REPS1: variants seen among roughly 807,000 people sequenced by gnomAD.
REPS1 encodes RALBP1 associated Eps domain containing 1.
REPS1 carries 39 observed loss-of-function variants against 100.9 expected under a neutral mutation model. The ratio of observed to expected loss-of-function variants is 0.39; its 90% CI spans 0.30 to 0.50. The LOEUF (loss-of-function observed/expected upper bound fraction) is 0.50. REPS1 is among the 20% of genes least tolerant of loss of function. The pLI, the probability that REPS1 is intolerant of heterozygous loss-of-function variation, is 0.86. For missense variants in REPS1, 821 were observed against 968.5 expected (o/e 0.85, Z 2.02); for synonymous variants, 324 against 340.3 (o/e 0.95, Z 0.53).
At chr6:138,946,255 T>A (rs1410747262) in intron 2 of REPS1, among the ~76,000 whole-genome samples, 22 of 115,180 alleles carry the variant, frequency 1.9e-4, no homozygotes, top group Non-Finnish European at 3.9e-5. Context: ...ACCTTATTGT[T>A]CACCCCCCAA....
intron 1 of REPS1, among the ~76,000 whole-genome samples, chr6:138,952,835 T>G (rs1305272806): frequency 3.0e-5 from 3 of 101,572 alleles, no homozygotes; most frequent in East Asian, 2.2e-4. Context: ...TTTGTTTTTG[T>G]TTTTTTTTTT....
At chr6:138,929,574 A>G (rs1490953031) in intron 9 of REPS1, 1 of 154,298 alleles carries the variant, frequency 6.5e-6, no homozygotes, top group East Asian at 1.9e-4. Context: ...TCCCAAATGT[A>G]CTATTACATA....
chr6:138,927,937 G>C (rs1367454085), intron 9 of REPS1: 1 of 152,198 alleles, frequency 6.6e-6, no homozygotes, highest in African/African-American at 2.4e-5. Context: ...AAAGTTTACA[G>C]AAGATTTTTG....
chr6:138,953,681 CAA>C (rs34741005), intron 1 of REPS1, among the ~76,000 whole-genome samples: 25,923 of 126,776 alleles, frequency 0.2, 2,357 homozygotes, highest in East Asian at 0.36. Flanking sequence ...TGGCTATTAT[CAA>C]AAAAAAAAAA....
At chr6:138,957,110 G>A (rs1783439339) in intron 1 of REPS1, among the ~76,000 whole-genome samples, 5 of 151,914 alleles carry the variant, frequency 3.3e-5, no homozygotes, top group Admixed American at 3.3e-4. Flanking sequence ...AGAGAAAATA[G>A]AAGAGTAAAT....
chr6:138,936,911 C>T (rs935145196), intron 8 of REPS1, among the ~76,000 whole-genome samples: 1 of 152,080 alleles, frequency 6.6e-6, no homozygotes, highest in Admixed American at 6.5e-5. Context: ...AATGTGATAG[C>T]TCTATATATT....
chr6:138,963,632 T>C (rs1257394366), intron 1 of REPS1, among the ~76,000 whole-genome samples: 1 of 152,218 alleles, frequency 6.6e-6, no homozygotes, highest in East Asian at 1.9e-4. Context: ...ACACAATCCA[T>C]GCACACCTTT....
chr6:138,983,978 A>C (rs767166693), intron 1 of REPS1, among the ~76,000 whole-genome samples: 22 of 152,182 alleles, frequency 1.4e-4, no homozygotes, highest in Non-Finnish European at 3.1e-4. Context: ...AGTGGTGTCC[A>C]AAGAATAATC....
At chr6:138,934,029 A>G (rs183445709) in intron 8 of REPS1, among the ~76,000 whole-genome samples, 1 of 152,358 alleles carries the variant, frequency 6.6e-6, no homozygotes, top group East Asian at 1.9e-4. Flanking sequence ...GGGATAAATT[A>G]GCAAATTACG....
chr6:138,960,145 A>T (rs549860845), intron 1 of REPS1, among the ~76,000 whole-genome samples: 12 of 152,310 alleles, frequency 7.9e-5, no homozygotes, highest in Admixed American at 7.2e-4. Context: ...AAGTAATTTT[A>T]AAAAATCTTA....
intron 1 of REPS1, among the ~76,000 whole-genome samples, chr6:138,959,357 G>A (rs1783594102): frequency 6.6e-6 from 1 of 152,094 alleles, no homozygotes; most frequent in Non-Finnish European, 1.5e-5. Flanking sequence ...GAATCCATGA[G>A]CTGAATCACA....
At chr6:138,957,740 T>A (rs1367380967) in intron 1 of REPS1, among the ~76,000 whole-genome samples, 2 of 152,014 alleles carry the variant, frequency 1.3e-5, no homozygotes, top group Admixed American at 1.3e-4. Flanking sequence ...GAAGGCAAAC[T>A]GTGAGAAAAA....
At chr6:138,934,676 C>T (rs1045801059) in intron 8 of REPS1, among the ~76,000 whole-genome samples, 3 of 152,136 alleles carry the variant, frequency 2.0e-5, no homozygotes, top group South Asian at 2.1e-4. Context: ...AAAATTGTCT[C>T]GAAAGTGACT....
rs768554513 is a variant in REPS1, at chr6:138,945,736, A to G, written c.278-39T>C. The G allele has an allele frequency of 1.2e-5, 18 of 1,450,408 alleles. No homozygotes were observed. The East Asian group carries it at 4.3e-4, about 34-fold the overall frequency. The allele number at this position is 1,450,408 out of a possible 1,614,324, so 89.8% of individuals were successfully genotyped here. Reference sequence around the variant, plus strand: ...AATAATCATTACTTCAAAATAAAAAAGGACATATATATTGAAAACTAAAAT... The same window carrying G: ...AATAATCATTACTTCAAAATAAAAAGGGACATATATATTGAAAACTAAAAT... On this transcript the variant is annotated intron_variant, in intron 2 of 19. Transcript: ENST00000450536.
Position 138,915,900 on chromosome 6 carries a change from A to T in REPS1, c.1678T>A (p.Ser560Thr). The change falls in exon 14 of 20, where the codon TCA (serine) becomes ACA (threonine). Residue 560 changes from serine to threonine, a missense_variant. Ser to Thr is a moderately conservative substitution (Grantham distance 58). Coordinates refer to ENST00000450536, the MANE Select transcript of REPS1 (RefSeq NM_001286611.2). ...GTCCGATTCATATCTAAAGATGATG[A>T]TCTAGAATGAGAGGGCTGTGGCCTT... Reference protein sequence around the residue: ...PPRPQPSHSRSSSLDMNRTFT... With the variant: ...PPRPQPSHSRTSSLDMNRTFT... The T allele has an allele frequency of 1.9e-6, 3 of 1,614,020 alleles. No homozygotes were observed. The highest frequency in any genetic ancestry group is 1.7e-6 in the Non-Finnish European group (2 of 1,179,908).
intron 1 of REPS1, among the ~76,000 whole-genome samples, chr6:138,979,454 C>T (rs958778681): frequency 1.3e-5 from 2 of 152,240 alleles, no homozygotes; most frequent in Middle Eastern, 3.4e-3. Flanking sequence ...GCTATCTATA[C>T]ACCCTGTCTC....
At chr6:138,938,916 C>T (rs893797463) in intron 8 of REPS1, among the ~76,000 whole-genome samples, 11 of 151,194 alleles carry the variant, frequency 7.3e-5, no homozygotes, top group African/African-American at 2.7e-4. Flanking sequence ...GGCGTGATCT[C>T]GGCTCACTGC....
chr6:138,959,179 C>T (rs988821701), intron 1 of REPS1, among the ~76,000 whole-genome samples: 3 of 152,162 alleles, frequency 2.0e-5, no homozygotes, highest in African/African-American at 7.2e-5. Flanking sequence ...TTGCTTAGCA[C>T]ATAGTGACAG....
chr6:138,920,967 C>A, intron 11 of REPS1, 70 bp downstream of exon 11: 1 of 1,124,308 alleles, frequency 8.9e-7, no homozygotes, highest in South Asian at 1.3e-5. Context: ...GAAATTTGAA[C>A]CTTGACAGAA....
Sources: allele counts gnomAD v4.1 joint callset (sites outside exome capture counted in the v4.1 genomes callset), GRCh38; gene constraint gnomAD v4.1.1; transcripts MANE v1.5; gene names NCBI Gene and HGNC (gene_info 2026-07-23, HGNC 2026-07-21).